The following ATP10A variants were observed in gnomAD, a reference collection of about 807,000 sequenced individuals.
ATP10A encodes ATPase phospholipid transporting 10A (putative), also known as phospholipid-transporting ATPase VA.
Under a neutral mutation model 147.8 loss-of-function variants are expected in ATP10A, and 111 were observed. That is an observed-to-expected ratio of 0.75 (90% confidence interval 0.64 to 0.88). The LOEUF is 0.88. Among genes scored for constraint, ATP10A ranks in the 40% least tolerant of loss-of-function variants. The pLI is 0.00. For missense variants in ATP10A, 1,927 were observed against 1,959.0 expected (o/e 0.98, Z 0.31); for synonymous variants, 875 against 841.6 (o/e 1.04, Z -0.69).
chr15:25,773,945 A>AAC (rs1288345302), intron 2 of ATP10A, among the ~76,000 whole-genome samples: 1 of 152,192 alleles, frequency 6.6e-6, no homozygotes, highest in African/African-American at 2.4e-5. Flanking sequence ...CTGCTCCAGA[A>AAC]ACACACATAC....
At chr15:25,724,420 T>A (rs1221926572) in intron 5 of ATP10A, among the ~76,000 whole-genome samples, 2 of 152,202 alleles carry the variant, frequency 1.3e-5, no homozygotes, top group East Asian at 1.9e-4. Context: ...GCCATTATTG[T>A]CCTTTCCTGA....
At chr15:25,830,588 G>C (rs1232058814) in intron 1 of ATP10A, among the ~76,000 whole-genome samples, 2 of 152,060 alleles carry the variant, frequency 1.3e-5, no homozygotes, top group Non-Finnish European at 2.9e-5. Flanking sequence ...TCTCCGGGGG[G>C]GTCCTGTGTC....
At chr15:25,843,050 C>A (rs1892872847) in intron 1 of ATP10A, among the ~76,000 whole-genome samples, 1 of 152,130 alleles carries the variant, frequency 6.6e-6, no homozygotes, top group African/African-American at 2.4e-5. Context: ...AAAATGATCA[C>A]CCTCCATTAT....
At chr15:25,852,980 AAGG>A (rs770775309) in intron 1 of ATP10A, among the ~76,000 whole-genome samples, 2 of 152,208 alleles carry the variant, frequency 1.3e-5, no homozygotes, top group Non-Finnish European at 2.9e-5. Context: ...TCAGAGGGCA[AAGG>A]AGAAGTTTTC....
intron 2 of ATP10A, among the ~76,000 whole-genome samples, chr15:25,771,660 G>A (rs776005202): frequency 2.6e-5 from 4 of 152,062 alleles, no homozygotes; most frequent in Non-Finnish European, 5.9e-5. Context: ...TCACAGGAAA[G>A]TGACCATTCC....
chr15:25,673,330 C>T (rs1187108099), downstream of ATP10A, among the ~76,000 whole-genome samples: 6 of 152,154 alleles, frequency 3.9e-5, no homozygotes, highest in Admixed American at 3.9e-4. Flanking sequence ...AAACAAGCGT[C>T]GAGGAGAGGT....
chr15:25,815,914 C>T (rs1891634649), intron 1 of ATP10A, among the ~76,000 whole-genome samples: 1 of 151,670 alleles, frequency 6.6e-6, no homozygotes, highest in African/African-American at 2.4e-5. Flanking sequence ...GGAAATTTTG[C>T]CTAACTCTAT....
chr15:25,686,322 A>T lies in ATP10A; in HGVS notation c.3291+1381T>A, dbSNP rs1219021144. ...AGTGAGACCCTGCCTCTACAAAATT[A>T]AAAAAAAAAAAAAATTAGATGTGCG... is the stretch of plus-strand genomic sequence containing the variant. On this transcript the variant is annotated intron_variant, in intron 16 of 20. Transcript: ENST00000555815. Among the ~76,000 whole-genome samples, 8 of 44,860 alleles carry T rather than the reference A, an allele frequency of 1.8e-4. 3 individuals are homozygous for T. The highest frequency in any genetic ancestry group is 7.7e-4 in the African/African-American group (2 of 2,586). 29.4% of individuals were successfully genotyped at this position (44,860 alleles called of 152,430 possible).
chr15:25,726,118 G>T, intron 4 of ATP10A, 36 bp from the exon 5 acceptor site: 2 of 1,605,100 alleles, frequency 1.2e-6, no homozygotes, highest in South Asian at 2.2e-5. Flanking sequence ...GCAAGTCAGA[G>T]ACTGGAGCTA....
intron 14 of ATP10A, 144 bp from the exon 15 acceptor site, chr15:25,691,935 C>T (rs1900061150): frequency 1.1e-6 from 1 of 877,478 alleles, no homozygotes. Context: ...AGGAGTAGAG[C>T]ATCCACCCTG....
At chr15:25,687,871 G>C in intron 15 of ATP10A, 43 bp from the exon 16 acceptor site, 1 of 1,613,194 alleles carries the variant, frequency 6.2e-7, no homozygotes, top group South Asian at 1.1e-5. Context: ...ATGCCGACCT[G>C]GCGTCAGATT....
rs1899529567 is a variant in ATP10A at position 25,683,352 on chromosome 15, G to A, written c.3426C>T (p.Asp1142=). ...SLPPLVTGVL[D]RDVPANVLLT... is the part of the protein sequence containing the mutation. Reference sequence around the variant, plus strand: ...GCAGCACATTGGCTGGCACATCCCTGTCCAGCACCCCAGTCACGAGCGGGG... The same window carrying A: ...GCAGCACATTGGCTGGCACATCCCTATCCAGCACCCCAGTCACGAGCGGGG... The change falls in exon 17 of 21, where the codon GAC becomes GAT. Residue 1142 remains aspartate (D), a synonymous_variant. Coordinates refer to ENST00000555815, the MANE Select transcript of ATP10A (RefSeq NM_024490.4). 1 of 1,614,014 alleles carries A rather than the reference G, an allele frequency of 6.2e-7. No individual in the cohort carries two copies. Among genetic ancestry groups the A allele is most frequent in the Non-Finnish European group, 8.5e-7 (1 of 1,180,026 alleles).
At chr15:25,789,982 T>C (rs1479479520) in intron 1 of ATP10A, among the ~76,000 whole-genome samples, 1 of 152,036 alleles carries the variant, frequency 6.6e-6, no homozygotes, top group Admixed American at 6.6e-5. Context: ...TTCTGGAAAA[T>C]GGATTATTAA....
chr15:25,801,451 G>A (rs2140782317), intron 1 of ATP10A, among the ~76,000 whole-genome samples: 1 of 152,320 alleles, frequency 6.6e-6, no homozygotes, highest in Admixed American at 6.5e-5. Flanking sequence ...GCAGGTGGTA[G>A]TCAGGGGGAC....
intron 1 of ATP10A, among the ~76,000 whole-genome samples, chr15:25,856,777 A>G (rs746537283): frequency 6.6e-6 from 1 of 152,122 alleles, no homozygotes; most frequent in Non-Finnish European, 1.5e-5. Flanking sequence ...CAACAACAAC[A>G]ACAACAAAAA....
At chr15:25,773,844 AC>A (rs2140675876) in intron 2 of ATP10A, among the ~76,000 whole-genome samples, 1 of 151,974 alleles carries the variant, frequency 6.6e-6, no homozygotes, top group African/African-American at 2.4e-5. Context: ...ACACACACAC[AC>A]ACACACATAT....
chr15:25,840,918 T>C (rs552574451), intron 1 of ATP10A, among the ~76,000 whole-genome samples: 1 of 152,332 alleles, frequency 6.6e-6, no homozygotes, highest in South Asian at 2.1e-4. Context: ...CATCTTTTCA[T>C]GTGCTTACTT....
chr15:25,854,082 T>G (rs1261164107), intron 1 of ATP10A, among the ~76,000 whole-genome samples: 1 of 152,152 alleles, frequency 6.6e-6, no homozygotes, highest in African/African-American at 2.4e-5. Flanking sequence ...TAATAATATA[T>G]TTTTTAGAAA....
chr15:25,785,913 T>G (rs1271675496), intron 1 of ATP10A, among the ~76,000 whole-genome samples: 1 of 152,218 alleles, frequency 6.6e-6, no homozygotes, highest in Non-Finnish European at 1.5e-5. Flanking sequence ...TGACCAACTT[T>G]GAGTTCAAGA....
Sources: gnomAD v4.1 joint callset for allele counts (sites outside exome capture counted in the v4.1 genomes callset) on GRCh38, gnomAD v4.1.1 for gene constraint, MANE v1.5 for transcripts, NCBI Gene and HGNC (gene_info 2026-07-23, HGNC 2026-07-21) for gene names.